The following RIOK3 variants were observed in gnomAD, a reference collection of about 807,000 sequenced individuals.
The protein encoded by RIOK3 is RIO kinase 3.
In RIOK3, 40 loss-of-function variants were observed where a neutral mutation model predicts 63.5. The ratio of observed to expected loss-of-function variants is 0.63; its 90% confidence interval spans 0.49 to 0.82. The LOEUF is 0.82. Among genes scored for constraint, RIOK3 ranks in the 40% least tolerant of loss-of-function variants. The probability of loss-of-function intolerance (pLI) is 0.00; values close to 1 mark genes in which losing one functional copy is unlikely to be tolerated. For synonymous variants in RIOK3, 193 were observed against 205.0 expected, an observed-to-expected ratio of 0.94 and a Z score of 0.50; for missense variants, 557 against 637.0, an observed-to-expected ratio of 0.87 and a Z score of 1.35.
intron 2 of RIOK3, 144 bp from the exon 3 acceptor site, chr18:23,463,823 T>A: frequency 1.5e-6 from 1 of 663,968 alleles, no homozygotes; most frequent in Non-Finnish European, 2.6e-6. Context: ...TAAGGCTAGC[T>A]GTGCAGGAGA....
intron 7 of RIOK3, among the ~76,000 whole-genome samples, chr18:23,473,187 A>G (rs904718845): frequency 6.6e-6 from 1 of 152,212 alleles, no homozygotes; most frequent in African/African-American, 2.4e-5. Context: ...TCATTAAGTG[A>G]AGAACATTAT....
At chr18:23,473,217 C>T (rs1018537178) in intron 7 of RIOK3, among the ~76,000 whole-genome samples, 1 of 152,054 alleles carries the variant, frequency 6.6e-6, no homozygotes, top group African/African-American at 2.4e-5. Context: ...GGTTGAAAAT[C>T]GGTTGACAAT....
intron 7 of RIOK3, among the ~76,000 whole-genome samples, chr18:23,472,604 T>C (rs1371456314): frequency 3.3e-5 from 5 of 152,324 alleles, no homozygotes. Context: ...ACCTCTAGCC[T>C]GTCCCTGTGC....
rs2057536831 is a variant in RIOK3, at chr18:23,481,799, T to G, written c.*520T>G. 1 of 152,240 alleles carries G rather than the reference T, an allele frequency of 6.6e-6. No homozygotes were observed. The allele number at this position is 152,240 out of a possible 1,614,324, so 9.4% of individuals were successfully genotyped here. On this transcript the variant is annotated 3_prime_UTR_variant, in exon 13 of 13. Coordinates refer to ENST00000339486, the MANE Select transcript of RIOK3 (RefSeq NM_003831.5). ...TGTGCTCTTTAGTGGGTAGAACAAA[T>G]GGAAATTTGGTTTCAGAATGGCTGA... is the stretch of plus-strand genomic sequence containing the variant.
intron 7 of RIOK3, among the ~76,000 whole-genome samples, chr18:23,469,345 C>T (rs2057434907): frequency 1.8e-4 from 1 of 5,686 alleles, no homozygotes. Flanking sequence ...CTCCCCCTCT[C>T]TCCCCCTCTC....
At chr18:23,462,142 A>AT (rs368584198) in intron 1 of RIOK3, among the ~76,000 whole-genome samples, 39,813 of 112,622 alleles carry the variant, frequency 0.35, 8,046 homozygotes, top group East Asian at 0.46. Flanking sequence ...TGTTCTTGCT[A>AT]TTTTTTTTTT....
chr18:23,479,356 C>T lies in RIOK3; in HGVS notation c.1384C>T (p.Arg462Ter), dbSNP rs1174527802. The change falls in exon 12 of 13, where the codon CGA becomes TGA. Residue 462 changes from arginine to a stop codon, truncating the protein, a stop_gained. Transcript: ENST00000339486. LOFTEE classifies it high-confidence loss of function. ...KGGVKEALSE[R>*]ELFNAVSGLN... The stretch of plus-strand genomic sequence containing the variant: ...AGGAGTCAAGGAAGCCCTTAGTGAA[C>T]GAGAACTCTTCAATGCTGTTTCAGG... 1.4e-5 allele frequency: 23 copies of T among 1,613,482 alleles called. No homozygotes were observed. The highest frequency in any genetic ancestry group is 1.7e-5 in the Non-Finnish European group (20 of 1,179,616).
chr18:23,464,910 T>G (rs1028878797), intron 5 of RIOK3, among the ~76,000 whole-genome samples: 1 of 152,172 alleles, frequency 6.6e-6, no homozygotes, highest in African/African-American at 2.4e-5. Flanking sequence ...CTTCATCATA[T>G]CTCTATAAAA....
At chr18:23,458,734 A>G (rs1568379840) in intron 1 of RIOK3, among the ~76,000 whole-genome samples, 1 of 152,232 alleles carries the variant, frequency 6.6e-6, no homozygotes, top group Non-Finnish European at 1.5e-5. Context: ...GTACCTGTTC[A>G]TAGGAGGAGC....
In RIOK3 at chr18:23,466,720, A is replaced by G. The variant is rs1208024801; in HGVS notation, c.687+444A>G. The stretch of plus-strand genomic sequence containing the variant: ...AAAAAAAAAAAAAAAAAATGTAAAT[A>G]AGCCAGGTGAGGTGGCTCCCAGCAC... On this transcript the variant is annotated intron_variant, in intron 6 of 12. Transcript: ENST00000339486. Among the ~76,000 whole-genome samples, 11 of 150,536 alleles carry G rather than the reference A, an allele frequency of 7.3e-5. No homozygotes were observed. The East Asian group carries it at 2.2e-3, about 29-fold the overall frequency.
At chr18:23,473,206 T>C (rs1000732319) in intron 7 of RIOK3, among the ~76,000 whole-genome samples, 5 of 152,232 alleles carry the variant, frequency 3.3e-5, no homozygotes, top group Non-Finnish European at 4.4e-5. Context: ...ATGTGATAGA[T>C]GGTTGAAAAT....
At chr18:23,472,062 G>A (rs781566532) in intron 7 of RIOK3, among the ~76,000 whole-genome samples, 4 of 151,862 alleles carry the variant, frequency 2.6e-5, no homozygotes, top group African/African-American at 7.3e-5. Flanking sequence ...GTGAAACCCC[G>A]TCTCTACTAA....
At chr18:23,458,364 G>C (rs190681208) in intron 1 of RIOK3, among the ~76,000 whole-genome samples, 1 of 152,292 alleles carries the variant, frequency 6.6e-6, no homozygotes, top group African/African-American at 2.4e-5. Context: ...GAATGCGGTA[G>C]TAGTGAAGAA....
chr18:23,469,304 C>CCTCCCTCTCTCTCTCTCT (rs2057431939), intron 7 of RIOK3, among the ~76,000 whole-genome samples: 1 of 19,406 alleles, frequency 5.2e-5, no homozygotes, highest in Non-Finnish European at 1.0e-4. Context: ...TTTCTTTCTT[C>CCTCCCTCTCTCTCTCTCT]CTCTCTCTCT....
intron 7 of RIOK3, among the ~76,000 whole-genome samples, chr18:23,469,620 G>T (rs898842359): frequency 6.6e-6 from 1 of 150,838 alleles, no homozygotes; most frequent in Non-Finnish European, 1.5e-5. Context: ...CCCCGGTAGC[G>T]GGGATTACAG....
At chr18:23,458,695 A>C (rs1209859762) in intron 1 of RIOK3, among the ~76,000 whole-genome samples, 2 of 152,200 alleles carry the variant, frequency 1.3e-5, no homozygotes, top group Admixed American at 1.3e-4. Context: ...GTCACAGATG[A>C]CAGAGGATTC....
At chr18:23,469,675 A>G (rs1029210180) in intron 7 of RIOK3, among the ~76,000 whole-genome samples, 2 of 151,334 alleles carry the variant, frequency 1.3e-5, no homozygotes, top group African/African-American at 2.4e-5. Flanking sequence ...TTTAGTAGAG[A>G]CGGGGTTTCA....
chr18:23,469,338 C>CTCTCTCT (rs1568384336), intron 7 of RIOK3, among the ~76,000 whole-genome samples: 1 of 8,702 alleles, frequency 1.1e-4, no homozygotes, highest in African/African-American at 5.7e-4. Flanking sequence ...TCTCTCTCTC[C>CTCTCTCT]CCCTCTCTCC....
In RIOK3 at chr18:23,477,248, G is replaced by A. The variant is rs770679026; in HGVS notation, c.1324G>A (p.Asp442Asn). 1.2e-6 allele frequency: 2 copies of A among 1,614,086 alleles called. No individual in the cohort carries two copies. Among genetic ancestry groups the A allele is most frequent in the Non-Finnish European group, 1.7e-6 (2 of 1,179,944 alleles). The stretch of plus-strand genomic sequence containing the variant: ...TCACGGCCTGGAGTTCTTGTTCCGG[G>A]ACTGCAGGAATGTCTCGCAGGTAGA... ...HPHGLEFLFR[D>N]CRNVSQFFQK... Residue 442 changes from aspartate (D) to asparagine (N), a missense_variant, in exon 11 of 13, where the codon GAC becomes AAC. Physicochemically the swap from Asp to Asn is conservative, Grantham distance 23. This residue lies in a region of RIOK3 where 309 missense variants were observed against 338.7 expected (regional missense o/e 0.91). Transcript: ENST00000339486.
Sources: gnomAD v4.1 joint callset for allele counts (sites outside exome capture counted in the v4.1 genomes callset) on GRCh38, gnomAD v4.1.1 for gene constraint, gnomAD v4.1.1 regional missense constraint, MANE v1.5 for transcripts, NCBI Gene and HGNC (gene_info 2026-07-23, HGNC 2026-07-21) for gene names.